The following CTNNAL1 variants were observed in gnomAD, a reference collection of about 807,000 sequenced individuals.
The protein encoded by CTNNAL1 is alpha-catulin.
A neutral mutation model predicts 93.6 loss-of-function variants in CTNNAL1; 69 were observed. The observed-to-expected ratio is 0.74, with a 90% CI of 0.61 to 0.90. CTNNAL1 has a LOEUF of 0.90. Ranked by LOEUF, CTNNAL1 falls within the 40% of genes least tolerant of loss-of-function variation. The pLI, the probability that CTNNAL1 is intolerant of heterozygous loss-of-function variation, is 0.00. For missense variants in CTNNAL1, 836 were observed against 862.0 expected, an observed-to-expected ratio of 0.97 and a Z score of 0.38; for synonymous variants, 286 against 305.4, an observed-to-expected ratio of 0.94 and a Z score of 0.66.
Position 108,948,210 on chromosome 9 carries a change from G to A in CTNNAL1, c.1860C>T (p.Ser620=), listed in dbSNP as rs529310507. 68 of 1,612,028 alleles carry A rather than the reference G, an allele frequency of 4.2e-5. No individual in the cohort carries two copies. The Admixed American group carries it at 7.1e-4, about 17-fold the overall frequency. The change falls in exon 15 of 19, where the codon TCC becomes TCT. Residue 620 remains serine (S), a synonymous_variant. Transcript: ENST00000325551. ...FTRGEGPLKT[S]QDLIHQLEVF... ...CCTCTAGTTGATGAATTAAATCCTG[G>A]GAAGTTTTCAGTGGCCCCTCTCCTC...
intron 17 of CTNNAL1, among the ~76,000 whole-genome samples, chr9:108,943,254 C>A (rs1830299241): frequency 6.6e-6 from 1 of 152,112 alleles, no homozygotes; most frequent in African/African-American, 2.4e-5. Flanking sequence ...CTCATGGAAC[C>A]CCAGCAGAAA....
chr9:108,990,976 A>G (rs1331362517), intron 3 of CTNNAL1, 131 bp from the exon 4 acceptor site: 1 of 962,892 alleles, frequency 1.0e-6, no homozygotes, highest in Non-Finnish European at 1.5e-6. Context: ...AGCCAGATAG[A>G]AGACACACAA....
chr9:109,013,265 G>C, intron 1 of CTNNAL1, 37 bp downstream of exon 1: 1 of 1,443,004 alleles, frequency 6.9e-7, no homozygotes, highest in Non-Finnish European at 9.1e-7. Context: ...GGCCGCGGCG[G>C]GAAGGAGAAG....
chr9:108,965,397 G>T lies in CTNNAL1; in HGVS notation c.1572C>A (p.Asp524Glu). The T allele has an allele frequency of 6.7e-7, 1 of 1,495,024 alleles. No homozygotes were observed. Among genetic ancestry groups the T allele is most frequent in the South Asian group, 1.4e-5 (1 of 72,622 alleles). The allele number at this position is 1,495,024 out of a possible 1,614,324, so 92.6% of individuals were successfully genotyped here. The part of the protein sequence containing the change: ...DMSTLLREIN[D>E]VFEGRRGEKY... ...TCTCACCTCGTCTTCCTTCAAACACGTCATTGATTTCTCTCAGCAGTGTTG... is the reference window on the plus strand; with the variant it reads ...TCTCACCTCGTCTTCCTTCAAACACTTCATTGATTTCTCTCAGCAGTGTTG... The change falls in exon 11 of 19, where the codon GAC (aspartate) becomes GAA (glutamate). Residue 524 changes from aspartate (D) to glutamate (E), a missense_variant. Physicochemically the swap from Asp to Glu is conservative, Grantham distance 45. Coordinates refer to ENST00000325551, the MANE Select transcript of CTNNAL1 (RefSeq NM_003798.4).
chr9:108,988,851 G>A (rs576596264), intron 4 of CTNNAL1, among the ~76,000 whole-genome samples: 1 of 152,302 alleles, frequency 6.6e-6, no homozygotes, highest in African/African-American at 2.4e-5. Flanking sequence ...AGCAGCTGAT[G>A]AATATTTGCT....
chr9:109,007,183 C>T (rs186491249), intron 1 of CTNNAL1, among the ~76,000 whole-genome samples: 17 of 151,774 alleles, frequency 1.1e-4, no homozygotes, highest in Admixed American at 7.9e-4. Context: ...TGCAGTGAGC[C>T]GAGATCCCGC....
At chr9:109,001,864 T>C (rs1826840966) in intron 1 of CTNNAL1, among the ~76,000 whole-genome samples, 1 of 152,224 alleles carries the variant, frequency 6.6e-6, no homozygotes, top group East Asian at 1.9e-4. Context: ...AGATAATGTT[T>C]GTTGTTTTAA....
chr9:108,988,832 T>C (rs1831694975), intron 4 of CTNNAL1, among the ~76,000 whole-genome samples: 1 of 152,206 alleles, frequency 6.6e-6, no homozygotes, highest in Admixed American at 6.5e-5. Context: ...TAGTATTTGG[T>C]TAACAGTAAG....
chr9:108,982,653 T>C (rs1389342648), intron 6 of CTNNAL1, among the ~76,000 whole-genome samples: 2 of 152,242 alleles, frequency 1.3e-5, no homozygotes, highest in Non-Finnish European at 2.9e-5. Flanking sequence ...ACACCTTTAA[T>C]GTAAATATTA....
At chr9:109,001,172 CAAAAAAAAAA>C (rs757020475) in intron 1 of CTNNAL1, among the ~76,000 whole-genome samples, 3 of 56,800 alleles carry the variant, frequency 5.3e-5, no homozygotes, top group African/African-American at 7.3e-5. Context: ...ACTCCATCTC[CAAAAAAAAAA>C]AAAAAAAAAA....
rs576722223 is a variant in CTNNAL1 at position 108,981,123 on chromosome 9, C to T, written c.901-1642G>A. Among the ~76,000 whole-genome samples the T allele has an allele frequency of 1.3e-4, 20 of 152,388 alleles. No homozygotes were observed. The South Asian group carries it at 4.1e-3, about 32-fold the overall frequency. ...CTGTCGGCAGCAGCCACAGGCAGAG[C>T]ACTGCCCCTCCTTCACCTGCACTAG... On this transcript the variant is annotated intron_variant, in intron 6 of 18. Transcript: ENST00000325551.
rs1376883408 is a variant in CTNNAL1 at position 108,999,311 on chromosome 9, T to C, written c.142-55A>G. The C allele has an allele frequency of 2.6e-6, 4 of 1,521,816 alleles. No individual in the cohort carries two copies. In the South Asian group the frequency reaches 4.0e-5, roughly 15 times the overall value. The allele number at this position is 1,521,816 out of a possible 1,614,324, so 94.3% of individuals were successfully genotyped here. On this transcript the variant is annotated intron_variant, in intron 1 of 18. Coordinates refer to ENST00000325551, the MANE Select transcript of CTNNAL1 (RefSeq NM_003798.4). ...TCTCAATACCTTTTCTTTTTTAAGC[T>C]GTATCACAAAGTCAAAGAAAATGAA...
At chr9:108,968,039 C>A (rs1194061456) in intron 10 of CTNNAL1, among the ~76,000 whole-genome samples, 3 of 152,120 alleles carry the variant, frequency 2.0e-5, no homozygotes, top group Non-Finnish European at 4.4e-5. Context: ...CAGCACTTGC[C>A]AAGCAGATGG....
chr9:108,991,983 G>A lies in CTNNAL1; in HGVS notation c.519+649C>T. The A allele has an allele frequency of 1.2e-5, 9 of 723,656 alleles. No individual in the cohort carries two copies. The Admixed American group carries it at 1.4e-4, about 11-fold the overall frequency. The allele number at this position is 723,656 out of a possible 1,614,324, so 44.8% of individuals were successfully genotyped here. ...TTGAGATTATTCAGTAACATTTAGG[G>A]ACTCTGAGTACAGAAATTTTGTAGT... On this transcript the variant is annotated intron_variant, in intron 3 of 18. Coordinates refer to ENST00000325551, the MANE Select transcript of CTNNAL1 (RefSeq NM_003798.4).
intron 4 of CTNNAL1, among the ~76,000 whole-genome samples, chr9:108,989,098 T>C (rs1459980181): frequency 6.6e-6 from 1 of 152,232 alleles, no homozygotes; most frequent in Non-Finnish European, 1.5e-5. Flanking sequence ...TGGATCACAA[T>C]ATTACAAGAA....
At chr9:108,963,986 C>T (rs2132116057) in intron 11 of CTNNAL1, among the ~76,000 whole-genome samples, 1 of 152,304 alleles carries the variant, frequency 6.6e-6, no homozygotes, top group Non-Finnish European at 1.5e-5. Flanking sequence ...TCCAGGATAA[C>T]CCACACCAGG....
At chr9:108,980,389 C>T (rs1831392304) in intron 6 of CTNNAL1, among the ~76,000 whole-genome samples, 1 of 152,170 alleles carries the variant, frequency 6.6e-6, no homozygotes, top group African/African-American at 2.4e-5. Flanking sequence ...CAAGAGGCAA[C>T]AAGCGGTAAT....
intron 3 of CTNNAL1, 75 bp downstream of exon 3, chr9:108,992,557 A>T: frequency 6.8e-7 from 1 of 1,481,192 alleles, no homozygotes; most frequent in East Asian, 2.4e-5. Context: ...CAAGCAATCC[A>T]CCACTAAGAG....
At chr9:108,972,343 C>T (rs954982698) in intron 9 of CTNNAL1, among the ~76,000 whole-genome samples, 23 of 152,116 alleles carry the variant, frequency 1.5e-4, no homozygotes, top group African/African-American at 5.3e-4. Context: ...TTGAGTGTGT[C>T]ATCTCCTCCC....
Sources: allele counts gnomAD v4.1 joint callset (sites outside exome capture counted in the v4.1 genomes callset), GRCh38; gene constraint gnomAD v4.1.1; transcripts MANE v1.5; gene names NCBI Gene and HGNC (gene_info 2026-07-23, HGNC 2026-07-21).